The following AFF3 variants were observed in gnomAD, a reference collection of about 807,000 sequenced individuals.
AFF3 encodes ALF transcription elongation factor 3.
AFF3 carries 32 observed loss-of-function variants against 129.7 expected under a neutral mutation model. That is an observed-to-expected ratio of 0.25 (90% CI 0.19 to 0.33). The LOEUF (loss-of-function observed/expected upper bound fraction) is 0.33, where lower values mean the gene tolerates loss of function less well. AFF3 is among the 10% of genes least tolerant of loss of function. The pLI is 1.00. For synonymous variants in AFF3, 644 were observed against 635.4 expected, an observed-to-expected ratio of 1.01 and a Z score of -0.20; for missense variants, 1,373 against 1,592.0, an observed-to-expected ratio of 0.86 and a Z score of 2.34.
At chr2:99,837,614 C>CA in intron 7 of AFF3, 90 bp from the exon 8 acceptor site, 2 of 1,172,672 alleles carry the variant, frequency 1.7e-6, no homozygotes, top group South Asian at 1.3e-5. Context: ...TCCCCCCCAA[C>CA]AAAAAAATTC....
At chr2:99,826,696 G>T (rs992450595) in intron 8 of AFF3, among the ~76,000 whole-genome samples, 12 of 152,294 alleles carry the variant, frequency 7.9e-5, no homozygotes, top group Admixed American at 5.9e-4. Flanking sequence ...GGTGAAAGAT[G>T]AGTCTGGAAG....
chr2:99,826,206 G>C (rs1194074425), intron 8 of AFF3, among the ~76,000 whole-genome samples: 8 of 151,952 alleles, frequency 5.3e-5, no homozygotes, highest in African/African-American at 1.9e-4. Context: ...GTAGTGACGG[G>C]GTTTCACCAT....
intron 8 of AFF3, among the ~76,000 whole-genome samples, chr2:99,812,403 C>T (rs904207308): frequency 1.3e-5 from 2 of 152,126 alleles, no homozygotes; most frequent in African/African-American, 4.8e-5. Flanking sequence ...CTGGTAATGC[C>T]CCACAAAGGC....
intron 8 of AFF3, among the ~76,000 whole-genome samples, chr2:99,788,795 C>G (rs1019250184): frequency 2.0e-5 from 3 of 152,128 alleles, no homozygotes; most frequent in African/African-American, 7.2e-5. Context: ...CCTGTAAGCT[C>G]CTTTCGTGGT....
At chr2:99,960,387 G>GT (rs1158376364) in intron 7 of AFF3, among the ~76,000 whole-genome samples, 1 of 149,702 alleles carries the variant, frequency 6.7e-6, no homozygotes, top group African/African-American at 2.5e-5. Flanking sequence ...ATTCTTAACT[G>GT]TTAAAAAAAA....
chr2:100,037,266 TTAA>T (rs1684995092), intron 4 of AFF3, among the ~76,000 whole-genome samples: 1 of 151,192 alleles, frequency 6.6e-6, no homozygotes, highest in African/African-American at 2.4e-5. Context: ...AATATGGTAT[TTAA>T]TAATAGATGT....
chr2:99,759,275 T>A (rs1682384674), intron 8 of AFF3, among the ~76,000 whole-genome samples: 4 of 152,246 alleles, frequency 2.6e-5, no homozygotes. Context: ...CTTTCTCCAA[T>A]GTGAAATAAA....
intron 16 of AFF3, among the ~76,000 whole-genome samples, chr2:99,586,631 G>C (rs1035023782): frequency 6.6e-6 from 1 of 152,136 alleles, no homozygotes; most frequent in Non-Finnish European, 1.5e-5. Context: ...CATCACAGAG[G>C]GGAGTCAGTG....
chr2:99,970,411 T>G (rs1488687307), intron 7 of AFF3, among the ~76,000 whole-genome samples: 1 of 152,166 alleles, frequency 6.6e-6, no homozygotes, highest in Non-Finnish European at 1.5e-5. Context: ...CTCCCTCACC[T>G]CCCGTTTCCT....
At chr2:99,648,112 C>CT (rs929031001) in intron 13 of AFF3, among the ~76,000 whole-genome samples, 11 of 151,696 alleles carry the variant, frequency 7.3e-5, no homozygotes, top group South Asian at 4.2e-4. Flanking sequence ...TCATAATGAC[C>CT]TTTTTTTTCC....
At chr2:99,967,458 C>T (rs980281089) in intron 7 of AFF3, among the ~76,000 whole-genome samples, 1 of 152,214 alleles carries the variant, frequency 6.6e-6, no homozygotes, top group South Asian at 2.1e-4. Flanking sequence ...GCATCTTTCT[C>T]TATAACCTAC....
intron 4 of AFF3, among the ~76,000 whole-genome samples, chr2:100,014,657 T>C (rs943874460): frequency 2.6e-5 from 4 of 151,780 alleles, no homozygotes; most frequent in Admixed American, 2.6e-4. Context: ...AAACGGCAGG[T>C]TAAGGAGATG....
At chr2:100,001,541 G>C (rs1452269064) in intron 7 of AFF3, among the ~76,000 whole-genome samples, 2 of 152,186 alleles carry the variant, frequency 1.3e-5, no homozygotes, top group Non-Finnish European at 2.9e-5. Flanking sequence ...CAATTCTTCT[G>C]CCTCAGCCTC....
At chr2:99,563,714 G>A (rs1166771219) in intron 20 of AFF3, among the ~76,000 whole-genome samples, 8 of 148,462 alleles carry the variant, frequency 5.4e-5, no homozygotes, top group Admixed American at 3.4e-4. Context: ...GGAGGCTGAG[G>A]CAGGAGAATC....
chr2:100,004,357 T>C (rs919750219), intron 7 of AFF3, among the ~76,000 whole-genome samples: 4 of 152,246 alleles, frequency 2.6e-5, no homozygotes, highest in Non-Finnish European at 4.4e-5. Flanking sequence ...TAAATCGTTT[T>C]ACCTCTTTCA....
chr2:99,620,414 G>C (rs1174542781), intron 13 of AFF3, among the ~76,000 whole-genome samples: 3 of 152,122 alleles, frequency 2.0e-5, no homozygotes, highest in Non-Finnish European at 4.4e-5. Flanking sequence ...GGATCACTTG[G>C]GGCCAGGAGT....
intron 7 of AFF3, among the ~76,000 whole-genome samples, chr2:99,899,102 T>C (rs545639052): frequency 6.6e-6 from 1 of 152,348 alleles, no homozygotes; most frequent in East Asian, 1.9e-4. Context: ...GGATTTGACA[T>C]GTCTGGATTT....
intron 8 of AFF3, among the ~76,000 whole-genome samples, chr2:99,815,010 C>T (rs530990179): frequency 1.0e-3 from 155 of 152,042 alleles, no homozygotes; most frequent in African/African-American, 3.5e-3. Context: ...CCATCCCCCC[C>T]GGCTGATTTT....
At chr2:99,673,602 C>A (rs1164557585) in intron 11 of AFF3, among the ~76,000 whole-genome samples, 1 of 152,294 alleles carries the variant, frequency 6.6e-6, no homozygotes, top group Middle Eastern at 3.4e-3. Context: ...CAGGGGAGAG[C>A]CCACTTCTGA....
Sources: allele counts gnomAD v4.1 joint callset (sites outside exome capture counted in the v4.1 genomes callset), GRCh38; gene constraint gnomAD v4.1.1; transcripts MANE v1.5; gene names NCBI Gene and HGNC (gene_info 2026-07-23, HGNC 2026-07-21).